CD9: variants seen among roughly 807,000 people sequenced by gnomAD.
The protein encoded by CD9 is CD9 antigen.
CD9 carries 10 observed loss-of-function variants against 31.4 expected under a neutral mutation model. The observed-to-expected ratio is 0.32, with a 90% CI of 0.20 to 0.54. The LOEUF (loss-of-function observed/expected upper bound fraction) is 0.54. CD9 is among the 20% of genes least tolerant of loss of function. CD9 has a pLI of 0.94. For missense variants in CD9, 259 were observed against 300.1 expected, an observed-to-expected ratio of 0.86 and a Z score of 1.01; for synonymous variants, 113 against 114.1, an observed-to-expected ratio of 0.99 and a Z score of 0.06.
intron 1 of CD9, chr12:6,206,101 C>T (rs1297407363): frequency 6.6e-6 from 1 of 150,494 alleles, no homozygotes; most frequent in Non-Finnish European, 1.5e-5. Context: ...GCCTGTCAGA[C>T]CCATGGCCTC....
intron 1 of CD9, among the ~76,000 whole-genome samples, chr12:6,201,130 C>T (rs1946071729): frequency 6.6e-6 from 1 of 152,214 alleles, no homozygotes. Context: ...CCCCGGGACC[C>T]AGTCCCTGAG....
intron 1 of CD9, among the ~76,000 whole-genome samples, chr12:6,219,679 G>A (rs1478733813): frequency 6.6e-6 from 1 of 151,808 alleles, no homozygotes; most frequent in Non-Finnish European, 1.5e-5. Context: ...TAGAGACAGG[G>A]TTTCATCATG....
rs749901995 is a variant in CD9 at position 6,235,507 on chromosome 12, AAC to A, written c.481_482del (p.Gln161ValfsTer22). On this transcript the variant is annotated frameshift_variant, in exon 6 of 8. Coordinates refer to ENST00000009180, the MANE Select transcript of CD9 (RefSeq NM_001769.4). LOFTEE classifies it high-confidence loss of function. ...TGCTGTGGTTTGGCTGGGGGCGTGG[AAC>A]AGTTTATCTCAGACATCTGCCCCAA... is the stretch of plus-strand genomic sequence containing the variant. The A allele has an allele frequency of 1.2e-6, 2 of 1,614,054 alleles. No individual in the cohort carries two copies. The highest frequency in any genetic ancestry group is 1.7e-6 in the Non-Finnish European group (2 of 1,179,906).
At chr12:6,207,622 C>T (rs752765151) in intron 1 of CD9, among the ~76,000 whole-genome samples, 8 of 152,182 alleles carry the variant, frequency 5.3e-5, no homozygotes, top group Non-Finnish European at 8.8e-5. Context: ...CAAATGCAGA[C>T]GGAAAGTCTC....
chr12:6,231,230 C>T (rs529813718), intron 2 of CD9, among the ~76,000 whole-genome samples: 5 of 152,320 alleles, frequency 3.3e-5, no homozygotes, highest in Non-Finnish European at 5.9e-5. Context: ...GATTGTTACT[C>T]ATGCTTGGTA....
chr12:6,223,705 G>A (rs943572751), intron 1 of CD9, among the ~76,000 whole-genome samples: 3 of 152,030 alleles, frequency 2.0e-5, no homozygotes, highest in African/African-American at 7.2e-5. Flanking sequence ...AGCCCAGCAC[G>A]CTCCCAGCAG....
At chr12:6,214,555 C>T (rs1463914253) in intron 1 of CD9, among the ~76,000 whole-genome samples, 1 of 151,836 alleles carries the variant, frequency 6.6e-6, no homozygotes. Context: ...TACCATATTG[C>T]CCAGGCTGGT....
intron 1 of CD9, among the ~76,000 whole-genome samples, chr12:6,201,727 A>G (rs183624709): frequency 1.5e-4 from 23 of 152,364 alleles, no homozygotes; most frequent in Non-Finnish European, 2.4e-4. Context: ...GGTGCATGCC[A>G]CCAGAGTCTT....
intron 6 of CD9, chr12:6,235,781 G>A: frequency 7.2e-7 from 1 of 1,396,626 alleles, no homozygotes; most frequent in Non-Finnish European, 9.3e-7. Flanking sequence ...CAAGTGTTCT[G>A]GCACCGCCCA....
Position 6,236,263 on chromosome 12 carries a change from T to G in CD9, c.609T>G (p.Ile203Met). The G allele has an allele frequency of 1.2e-6, 2 of 1,614,168 alleles. No homozygotes were observed. The highest frequency in any genetic ancestry group is 1.7e-6 in the Non-Finnish European group (2 of 1,179,994). ...TCATCGGCGCAGTGGGCATCGGCAT[T>G]GCCGTGGTCATGGTGAGTGGCAGGA... ...FHIIGAVGIG[I>M]AVVMIFGMIF... The change falls in exon 7 of 8, where the codon ATT (isoleucine) becomes ATG (methionine). Residue 203 changes from isoleucine to methionine, a missense_variant. By Grantham distance (10) the Ile-to-Met change is conservative. Transcript: ENST00000009180.
intron 1 of CD9, among the ~76,000 whole-genome samples, chr12:6,201,992 T>G (rs937341181): frequency 6.6e-6 from 1 of 152,114 alleles, no homozygotes; most frequent in Admixed American, 6.6e-5. Context: ...GAGTCATGAT[T>G]GCACCACTGC....
chr12:6,208,088 G>A (rs1946151847), intron 1 of CD9, among the ~76,000 whole-genome samples: 1 of 152,148 alleles, frequency 6.6e-6, no homozygotes, highest in Admixed American at 6.5e-5. Flanking sequence ...GCCAGTCATG[G>A]TGGCAGGTGC....
chr12:6,207,918 G>A (rs150895928), intron 1 of CD9, among the ~76,000 whole-genome samples: 50 of 152,300 alleles, frequency 3.3e-4, no homozygotes, highest in Middle Eastern at 3.4e-3. Context: ...GCTCTTATGA[G>A]CTCTGCTAGA....
At position 6,235,503 on chromosome 12, in the gene CD9, G is replaced by A. The variant is rs367982675; in HGVS notation, c.475G>A (p.Val159Met). Residue 159 changes from valine to methionine, a missense_variant, in exon 6 of 8, where the codon GTG becomes ATG. Physicochemically the swap from Val to Met is conservative, Grantham distance 21 (BLOSUM62 1). Coordinates refer to ENST00000009180, the MANE Select transcript of CD9 (RefSeq NM_001769.4). ...ALNCCGLAGG[V>M]EQFISDICPK... The stretch of plus-strand genomic sequence containing the variant: ...GAACTGCTGTGGTTTGGCTGGGGGC[G>A]TGGAACAGTTTATCTCAGACATCTG... 28 of 1,613,888 alleles carry A rather than the reference G, an allele frequency of 1.7e-5. No individual in the cohort carries two copies. Among genetic ancestry groups the A allele is most frequent in the East Asian group, 2.2e-5 (1 of 44,886 alleles).
intron 1 of CD9, among the ~76,000 whole-genome samples, chr12:6,218,797 G>A (rs1455717891): frequency 6.6e-6 from 1 of 152,098 alleles, no homozygotes. Flanking sequence ...AGTGGGTGTG[G>A]CAAGGGATGA....
chr12:6,222,256 C>T (rs1253718321), intron 1 of CD9, among the ~76,000 whole-genome samples: 2 of 152,138 alleles, frequency 1.3e-5, no homozygotes, highest in East Asian at 1.9e-4. Context: ...ACATAGCATC[C>T]CCCCCGGCCG....
chr12:6,206,513 C>T (rs779499149), intron 1 of CD9, among the ~76,000 whole-genome samples: 16 of 152,118 alleles, frequency 1.1e-4, no homozygotes, highest in Non-Finnish European at 2.2e-4. Flanking sequence ...AATGAGCCAC[C>T]GCGCCTGGCC....
At chr12:6,236,355 G>T (rs71582901) in intron 7 of CD9, 80 bp downstream of exon 7, 10 of 1,223,004 alleles carry the variant, frequency 8.2e-6, no homozygotes, top group East Asian at 4.7e-5. Context: ...AGACACCGCC[G>T]CACTCTGTGC....
intron 4 of CD9, among the ~76,000 whole-genome samples, chr12:6,234,069 C>CT (rs1946485414): frequency 6.6e-6 from 1 of 151,140 alleles, no homozygotes. Context: ...GGAAGGGAAT[C>CT]TCTTTTGGCT....
Sources: gnomAD v4.1 joint callset for allele counts (sites outside exome capture counted in the v4.1 genomes callset) on GRCh38, gnomAD v4.1.1 for gene constraint, MANE v1.5 for transcripts, NCBI Gene and HGNC (gene_info 2026-07-23, HGNC 2026-07-21) for gene names.